The following RYR1 variants were observed in gnomAD, a reference collection of about 807,000 sequenced individuals.
The protein encoded by RYR1 is ryanodine receptor 1.
A neutral mutation model predicts 583.5 loss-of-function variants in RYR1; 342 were observed. The observed-to-expected ratio is 0.59, with a 90% CI of 0.54 to 0.64. The LOEUF (loss-of-function observed/expected upper bound fraction) is 0.64, where lower values mean the gene tolerates loss of function less well. RYR1 is among the 30% of genes least tolerant of loss of function. The pLI, the probability that RYR1 is intolerant of heterozygous loss-of-function variation, is 0.00. For synonymous variants in RYR1, 2,791 were observed against 2,822.5 expected (o/e 0.99, Z 0.35); for missense variants, 6,032 against 6,917.2 (o/e 0.87, Z 4.54).
rs2145662576 is a variant in RYR1, at chr19:38,512,279, G to A, written c.9268G>A (p.Ala3090Thr). 6.2e-7 allele frequency: 1 copy of A among 1,614,248 alleles called. No homozygotes were observed. Among genetic ancestry groups the A allele is most frequent in the Non-Finnish European group, 8.5e-7 (1 of 1,180,044 alleles). ...GAAGTCAGGCCCTGAGATCGTGAAG[G>A]CTGGCCTCCGCTCCTTCTTCGAGAG... ...VMKSGPEIVK[A>T]GLRSFFESAS... The change falls in exon 63 of 106, where the codon GCT becomes ACT. Residue 3090 changes from alanine (A) to threonine (T), a missense_variant. Around this residue, in one of 11 missense-constraint regions of RYR1, gnomAD observed 1,493 missense variants for 1,715.5 expected, o/e 0.87. Transcript: ENST00000359596. The surrounding 1 kb of genome is among the most constrained non-coding windows in gnomAD (Gnocchi z 5.1).
At chr19:38,494,763 T>A (rs1969730922) in intron 39 of RYR1, 138 bp downstream of exon 39, 1 of 1,057,748 alleles carries the variant, frequency 9.5e-7, no homozygotes, top group Non-Finnish European at 1.4e-6. Flanking sequence ...GCTCACCTCC[T>A]GGGTAATGTC....
rs1387840141 is a variant in RYR1, at chr19:38,504,338, T to A, written c.8045T>A (p.Ile2682Asn). ...CTCACACGGAAACTCTTCTGGGGCATCTTTGACTCTCTGGCCCATAAGGTC... is the reference window on the plus strand; with the variant it reads ...CTCACACGGAAACTCTTCTGGGGCAACTTTGACTCTCTGGCCCATAAGGTC... ...LHLTRKLFWG[I>N]FDSLAHKKYD... Residue 2682 changes from isoleucine to asparagine, a missense_variant, in exon 50 of 106, where the codon ATC (isoleucine) becomes AAC (asparagine). Physicochemically the swap from Ile to Asn is moderately radical, Grantham distance 149 (BLOSUM62 -3). This residue lies in a region of RYR1 where 1,493 missense variants were observed against 1,715.5 expected (regional missense o/e 0.87). Transcript: ENST00000359596. 1 of 1,614,160 alleles carries A rather than the reference T, an allele frequency of 6.2e-7. No individual in the cohort carries two copies. Among genetic ancestry groups the A allele is most frequent in the African/African-American group, 1.3e-5 (1 of 75,038 alleles).
At chr19:38,581,440 C>T (rs1974203845) in intron 101 of RYR1, among the ~76,000 whole-genome samples, 1 of 152,096 alleles carries the variant, frequency 6.6e-6, no homozygotes, top group African/African-American at 2.4e-5. Flanking sequence ...TCCATCTCTG[C>T]CTGTGCCGTC....
At chr19:38,546,326 C>G (rs542245062) in intron 87 of RYR1, 119 bp from the exon 88 acceptor site, 2 of 794,056 alleles carry the variant, frequency 2.5e-6, no homozygotes, top group Admixed American at 2.0e-5. Flanking sequence ...CGGGTCCCCT[C>G]GGAGGTAAGA....
At chr19:38,468,428 C>T (rs1415225337) in intron 25 of RYR1, among the ~76,000 whole-genome samples, 5 of 152,186 alleles carry the variant, frequency 3.3e-5, no homozygotes, top group African/African-American at 1.2e-4. Flanking sequence ...CCCTTCTTCC[C>T]TCTATCTGTC....
In RYR1 at chr19:38,485,761, G is replaced by T. The variant is rs946524867; in HGVS notation, c.5106G>T (p.Leu1702=). The change falls in exon 34 of 106, where the codon CTG becomes CTT. Residue 1702 remains leucine, a synonymous_variant. Transcript: ENST00000359596. ...QLLHALEDAH[L]PGPLRAGYYD... is the part of the protein sequence containing the mutation. ...TGCACGCCCTGGAGGACGCGCACCT[G>T]CCAGGCCCACTGCGCGCAGGCTACT... 1 of 1,613,082 alleles carries T rather than the reference G, an allele frequency of 6.2e-7. No individual in the cohort carries two copies. Among genetic ancestry groups the T allele is most frequent in the Non-Finnish European group, 8.5e-7 (1 of 1,179,968 alleles).
chr19:38,512,318 A>T lies in RYR1; in HGVS notation c.9307A>T (p.Ile3103Phe). The change falls in exon 63 of 106, where the codon ATC (isoleucine) becomes TTC (phenylalanine). Residue 3103 changes from isoleucine (I) to phenylalanine (F), a missense_variant. Coordinates refer to ENST00000359596, the MANE Select transcript of RYR1 (RefSeq NM_000540.3). This position sits in a 1 kb window ranked among gnomAD's most constrained non-coding sequence, Gnocchi z 5.1. ...CTTCTTCGAGAGTGCCTCGGAGGAC[A>T]TCGAGAAGATGGTGGAGAACCTGCG... is the stretch of plus-strand genomic sequence containing the variant. ...RSFFESASEDIEKMVENLRLG... is the reference protein window; with the variant it reads ...RSFFESASEDFEKMVENLRLG... The T allele has an allele frequency of 6.2e-7, 1 of 1,614,246 alleles. No individual in the cohort carries two copies. The highest frequency in any genetic ancestry group is 1.1e-5 in the South Asian group (1 of 91,086).
intron 96 of RYR1, among the ~76,000 whole-genome samples, chr19:38,573,701 A>G (rs1344714055): frequency 2.0e-5 from 3 of 151,794 alleles, no homozygotes; most frequent in African/African-American, 7.3e-5. Context: ...GACAAAAAAA[A>G]AAAAACCTAG....
chr19:38,469,618 C>A (rs542309405), intron 27 of RYR1, 105 bp downstream of exon 27: 755 of 1,198,218 alleles, frequency 6.3e-4, no homozygotes, highest in Non-Finnish European at 8.1e-4. Context: ...AGGACACAAA[C>A]CACATGGAAG....
chr19:38,455,871 C>A, intron 16 of RYR1, 120 bp downstream of exon 16: 1 of 727,672 alleles, frequency 1.4e-6, no homozygotes. Context: ...CACCTGTACG[C>A]CACTCCCACT....
intron 67 of RYR1, 128 bp from the exon 68 acceptor site, chr19:38,522,900 C>T: frequency 1.3e-6 from 1 of 776,168 alleles, no homozygotes; most frequent in Non-Finnish European, 2.2e-6. Context: ...GGCCAGATGA[C>T]CCTAGAAACC....
chr19:38,577,108 A>G (rs1403273890), intron 97 of RYR1, among the ~76,000 whole-genome samples: 3 of 151,134 alleles, frequency 2.0e-5, no homozygotes, highest in Non-Finnish European at 4.4e-5. Flanking sequence ...CTGATCTCGA[A>G]CTCCTGACCT....
At chr19:38,518,942 AGTT>A (rs1413185634) in intron 66 of RYR1, among the ~76,000 whole-genome samples, 20 of 151,168 alleles carry the variant, frequency 1.3e-4, no homozygotes, top group African/African-American at 4.9e-4. Flanking sequence ...AAAAAAAAAA[AGTT>A]AGGTAACAGG....
In RYR1 at chr19:38,512,693, G is replaced by T. The variant is rs1970786326; in HGVS notation, c.9472+210G>T. On this transcript the variant is annotated intron_variant, in intron 63 of 105. Coordinates refer to ENST00000359596, the MANE Select transcript of RYR1 (RefSeq NM_000540.3). This position sits in a 1 kb window ranked among gnomAD's most constrained non-coding sequence, Gnocchi z 5.1. The stretch of plus-strand genomic sequence containing the variant: ...AAAAGACCCTAAGTGGACTGGCGCA[G>T]TGACTCACACCTGTAATTCCAGCAC... Among the ~76,000 whole-genome samples the T allele has an allele frequency of 6.6e-6, 1 of 152,172 alleles. No individual in the cohort carries two copies. The highest frequency in any genetic ancestry group is 2.4e-5 in the African/African-American group (1 of 41,436).
chr19:38,455,881 T>C (rs1967350747), intron 16 of RYR1, 130 bp downstream of exon 16: 1 of 697,566 alleles, frequency 1.4e-6, no homozygotes, highest in Non-Finnish European at 2.6e-6. Context: ...CCACTCCCAC[T>C]GGCTTTCATC....
chr19:38,524,065 C>T (rs1220784429), intron 70 of RYR1, 136 bp downstream of exon 70: 6 of 955,578 alleles, frequency 6.3e-6, no homozygotes, highest in Non-Finnish European at 9.6e-6. Context: ...CCCCACCCAT[C>T]CTCCTTCCCT....
At position 38,499,252 on chromosome 19, in the gene RYR1, G is replaced by C; in HGVS notation, c.7027+9G>C. 6.2e-7 allele frequency: 1 copy of C among 1,614,162 alleles called. No homozygotes were observed. The highest frequency in any genetic ancestry group is 8.5e-7 in the Non-Finnish European group (1 of 1,180,014). On this transcript the variant is annotated intron_variant, in intron 43 of 105. Transcript: ENST00000359596. This position sits in a 1 kb window ranked among gnomAD's most constrained non-coding sequence, Gnocchi z 7.3. ...TGCTGTCTTCGTCAACGGTGAGGAG[G>C]GGGTGGCAGTGGCAGAGCGGGAAGT...
chr19:38,511,083 G>A (rs1283664737), intron 60 of RYR1, among the ~76,000 whole-genome samples: 2 of 151,994 alleles, frequency 1.3e-5, no homozygotes, highest in Admixed American at 1.3e-4. Flanking sequence ...ATCACTTGAA[G>A]CCAGGAGTTT....
intron 88 of RYR1, 63 bp from the exon 89 acceptor site, chr19:38,548,170 C>G: frequency 1.3e-6 from 2 of 1,589,282 alleles, no homozygotes; most frequent in Non-Finnish European, 1.7e-6. Context: ...GAAAGAGAGG[C>G]AAGCCTGGTG....
Sources: gnomAD v4.1 joint callset for allele counts (sites outside exome capture counted in the v4.1 genomes callset) on GRCh38, gnomAD v4.1.1 for gene constraint, gnomAD v4.1.1 regional missense constraint, Gnocchi (gnomAD v3.1) non-coding constraint, MANE v1.5 for transcripts, NCBI Gene and HGNC (gene_info 2026-07-23, HGNC 2026-07-21) for gene names.